Variants in NECTIN3 observed in about 807,000 individuals in gnomAD.
The protein encoded by NECTIN3 is nectin cell adhesion molecule 3.
NECTIN3 carries 8 observed loss-of-function variants against 49.4 expected under a neutral mutation model. The observed-to-expected ratio is 0.16, with a 90% CI of 0.10 to 0.29. NECTIN3 has a LOEUF of 0.29. Ranked by LOEUF, NECTIN3 falls within the 10% of genes least tolerant of loss-of-function variation. The probability of loss-of-function intolerance (pLI) is 1.00; values close to 1 mark genes in which losing one functional copy is unlikely to be tolerated. For synonymous variants in NECTIN3, 277 were observed against 241.1 expected (o/e 1.15, Z -1.38); for missense variants, 581 against 654.6 (o/e 0.89, Z 1.23).
At chr3:111,156,754 G>C (rs1415994951) in intron 7 of NECTIN3, among the ~76,000 whole-genome samples, 1 of 152,048 alleles carries the variant, frequency 6.6e-6, no homozygotes, top group Non-Finnish European at 1.5e-5. Flanking sequence ...CATGATAATA[G>C]ACACAGTTAC....
intron 1 of NECTIN3, among the ~76,000 whole-genome samples, chr3:111,088,529 T>C (rs946927258): frequency 1.3e-5 from 2 of 152,190 alleles, no homozygotes; most frequent in Non-Finnish European, 2.9e-5. Flanking sequence ...AAATGTTTTA[T>C]CTTAAAGTTG....
intron 7 of NECTIN3, among the ~76,000 whole-genome samples, chr3:111,163,291 G>C (rs1041516411): frequency 6.6e-6 from 1 of 152,180 alleles, no homozygotes; most frequent in Non-Finnish European, 1.5e-5. Context: ...TTCCCAGAGA[G>C]AGAGGCAAGT....
Position 111,135,478 on chromosome 3 carries a change from TTTTG to T in NECTIN3, c.*1269_*1272del. On this transcript the variant is annotated 3_prime_UTR_variant, in exon 6 of 6. Coordinates refer to ENST00000485303, the MANE Select transcript of NECTIN3 (RefSeq NM_015480.3). Reference sequence around the variant, plus strand: ...ATGTTACCTAAACTTCAAATGTGCTTTTTGTTTGTGAGGTAATTAAATTGCTTCT... The same window carrying T: ...ATGTTACCTAAACTTCAAATGTGCTTTTTGTGAGGTAATTAAATTGCTTCT... 5 of 964,974 alleles carry T rather than the reference TTTTG, an allele frequency of 5.2e-6. No homozygotes were observed. Among genetic ancestry groups the T allele is most frequent in the Non-Finnish European group, 6.2e-6 (5 of 811,470 alleles). 59.8% of individuals were successfully genotyped at this position (964,974 alleles called of 1,614,324 possible). A position where few individuals can be genotyped will look rare whatever the true frequency, so the allele number is the denominator to read the frequency against.
intron 7 of NECTIN3, among the ~76,000 whole-genome samples, chr3:111,154,338 G>C (rs899537166): frequency 1.9e-4 from 29 of 152,222 alleles, no homozygotes; most frequent in Admixed American, 1.2e-3. Context: ...TTCATGTTGT[G>C]TTGATCAGTA....
chr3:111,072,137 G>T lies in NECTIN3; in HGVS notation c.120G>T (p.Leu40=). ...LLQPPTPPPL[L]LLLFPLLLFS... ...AGCCCCCGACGCCACCTCCGCTGCTGCTGCTGCTCTTCCCGCTGCTGCTCT... is the reference window on the plus strand; with the variant it reads ...AGCCCCCGACGCCACCTCCGCTGCTTCTGCTGCTCTTCCCGCTGCTGCTCT... The change falls in exon 1 of 6, where the codon CTG becomes CTT. Residue 40 remains leucine (L), a synonymous_variant. Coordinates refer to ENST00000485303, the MANE Select transcript of NECTIN3 (RefSeq NM_015480.3). The T allele has an allele frequency of 6.4e-7, 1 of 1,550,582 alleles. No individual in the cohort carries two copies. Among genetic ancestry groups the T allele is most frequent in the Non-Finnish European group, 8.7e-7 (1 of 1,146,924 alleles).
At chr3:111,145,090 C>T in intron 6 of NECTIN3, 3 of 1,481,944 alleles carry the variant, frequency 2.0e-6, no homozygotes, top group Non-Finnish European at 2.7e-6. Context: ...TGTGTCCAAT[C>T]TTTATGTTTA....
chr3:111,094,877 C>G (rs2032494114), intron 1 of NECTIN3, among the ~76,000 whole-genome samples: 1 of 152,164 alleles, frequency 6.6e-6, no homozygotes. Context: ...AAAGAGTGAA[C>G]TATCATCAGT....
chr3:111,136,433 A>G lies in NECTIN3; in HGVS notation c.*2218A>G. On this transcript the variant is annotated 3_prime_UTR_variant, in exon 6 of 6. Transcript: ENST00000485303. ...CAAGTGAGTATTTGACATATTCTGT[A>G]TCCTTAATCCAATCATTTGGCAAAC... 1.0e-6 allele frequency: 1 copy of G among 984,116 alleles called. No individual in the cohort carries two copies. Among genetic ancestry groups the G allele is most frequent in the Non-Finnish European group, 1.2e-6 (1 of 828,938 alleles). 61.0% of individuals were successfully genotyped at this position (984,116 alleles called of 1,614,324 possible).
chr3:111,084,663 T>C (rs2031825568), intron 1 of NECTIN3, among the ~76,000 whole-genome samples: 1 of 151,864 alleles, frequency 6.6e-6, no homozygotes, highest in South Asian at 2.1e-4. Flanking sequence ...TAAAGTAGGG[T>C]TGTAATGGTA....
chr3:111,087,629 A>T (rs1031251399), intron 1 of NECTIN3, among the ~76,000 whole-genome samples: 1 of 152,082 alleles, frequency 6.6e-6, no homozygotes, highest in Non-Finnish European at 1.5e-5. Flanking sequence ...CTCCAGCCTG[A>T]GCAACAGAGC....
At chr3:111,138,618 T>A (rs1361573544), downstream of NECTIN3, among the ~76,000 whole-genome samples, 2 of 151,652 alleles carry the variant, frequency 1.3e-5, no homozygotes, top group Non-Finnish European at 3.0e-5. Flanking sequence ...GTTATGTTTA[T>A]TTCAATTTAG....
chr3:111,072,566 G>T, intron 1 of NECTIN3: 6 of 1,535,666 alleles, frequency 3.9e-6, no homozygotes, highest in Non-Finnish European at 5.2e-6. Context: ...TGAAACTTGA[G>T]CTGTGAGCCC....
chr3:111,193,118 A>T (rs1324568683), intron 1 of NECTIN3: 4 of 1,254,170 alleles, frequency 3.2e-6, no homozygotes, highest in Non-Finnish European at 4.4e-6. Flanking sequence ...ACTGTAGTGA[A>T]TTCTATTCTT....
chr3:111,108,790 C>CA (rs1247133401), intron 1 of NECTIN3, among the ~76,000 whole-genome samples: 46 of 152,128 alleles, frequency 3.0e-4, no homozygotes, highest in African/African-American at 1.1e-3. Context: ...CCTGTGAACT[C>CA]AGAGTGGAAA....
intron 1 of NECTIN3, among the ~76,000 whole-genome samples, chr3:111,106,521 T>C (rs2033189262): frequency 6.6e-6 from 1 of 152,354 alleles, no homozygotes; most frequent in South Asian, 2.1e-4. Flanking sequence ...TGTTTGAGTA[T>C]TGTTTGGAGA....
chr3:111,096,883 G>T (rs2032616529), intron 1 of NECTIN3, among the ~76,000 whole-genome samples: 1 of 152,216 alleles, frequency 6.6e-6, no homozygotes, highest in Admixed American at 6.5e-5. Flanking sequence ...CCCTCATGGA[G>T]AATCTCTGTT....
chr3:111,118,667 G>A lies in NECTIN3; in HGVS notation c.514G>A (p.Val172Met), dbSNP rs754093690. The A allele has an allele frequency of 1.3e-6, 2 of 1,598,502 alleles. No individual in the cohort carries two copies. The highest frequency in any genetic ancestry group is 2.2e-5 in the South Asian group (2 of 89,290). The change falls in exon 3 of 6, where the codon GTG becomes ATG. Residue 172 changes from valine (V) to methionine (M), a missense_variant. This residue lies in a region of NECTIN3 where 234 missense variants were observed against 340.6 expected (regional missense o/e 0.69). Transcript: ENST00000485303. ...AAATATTTAAACAGTTGAACCCACT[G>A]TGAGCCTGATAAAAGGGCCAGATTC... ...TTVTVLVEPT[V>M]SLIKGPDSLI...
At chr3:111,142,119 A>G (rs967783610), downstream of NECTIN3, among the ~76,000 whole-genome samples, 1 of 151,910 alleles carries the variant, frequency 6.6e-6, no homozygotes, top group African/African-American at 2.4e-5. Flanking sequence ...AAAAGATTCG[A>G]GCTCCTCCTT....
intron 1 of NECTIN3, among the ~76,000 whole-genome samples, chr3:111,074,044 G>C (rs1207750836): frequency 1.3e-5 from 2 of 151,546 alleles, no homozygotes; most frequent in Non-Finnish European, 3.0e-5. Flanking sequence ...TCTTCTTGTT[G>C]TAGAGGTAGA....
Sources: allele counts gnomAD v4.1 joint callset (sites outside exome capture counted in the v4.1 genomes callset), GRCh38; gene constraint gnomAD v4.1.1; regional missense constraint gnomAD v4.1.1; transcripts MANE v1.5; gene names NCBI Gene and HGNC (gene_info 2026-07-23, HGNC 2026-07-21).